The following CDCP1 variants were observed in gnomAD, a reference collection of about 807,000 sequenced individuals.
CDCP1 encodes CUB domain containing protein 1, also known as CUB domain-containing protein 1.
CDCP1 carries 29 observed loss-of-function variants against 60.2 expected under a neutral mutation model. The ratio of observed to expected loss-of-function variants is 0.48; its 90% confidence interval spans 0.36 to 0.66. CDCP1 has a LOEUF of 0.66. CDCP1 is among the 30% of genes least tolerant of loss of function. The probability of loss-of-function intolerance (pLI) is 0.00; values close to 1 mark genes in which losing one functional copy is unlikely to be tolerated. For missense variants in CDCP1, 876 were observed against 1,074.3 expected (o/e 0.82, Z 2.58); for synonymous variants, 387 against 431.1 (o/e 0.90, Z 1.27).
At chr3:45,133,158 G>A (rs1279669980) in intron 1 of CDCP1, among the ~76,000 whole-genome samples, 1 of 152,098 alleles carries the variant, frequency 6.6e-6, no homozygotes, top group Admixed American at 6.5e-5. Context: ...AGCAGTGTTG[G>A]TTGAAAGCCA....
At chr3:45,102,459 A>C (rs1042769849) in intron 4 of CDCP1, among the ~76,000 whole-genome samples, 2 of 152,022 alleles carry the variant, frequency 1.3e-5, no homozygotes, top group African/African-American at 2.4e-5. Context: ...GTAGGACCCA[A>C]CATCCAAACA....
intron 1 of CDCP1, among the ~76,000 whole-genome samples, chr3:45,135,937 T>A (rs892974993): frequency 1.4e-4 from 22 of 152,218 alleles, no homozygotes; most frequent in African/African-American, 5.3e-4. Flanking sequence ...ATTTAGGTTT[T>A]TTCAAAACAT....
chr3:45,115,060 G>A (rs1262216311), intron 2 of CDCP1, among the ~76,000 whole-genome samples: 1 of 152,056 alleles, frequency 6.6e-6, no homozygotes, highest in Non-Finnish European at 1.5e-5. Context: ...TAAAAGTAAT[G>A]TACAGTCGTT....
At position 45,112,303 on chromosome 3, in the gene CDCP1, G is replaced by A. The variant is rs376635920; in HGVS notation, c.435C>T (p.Arg145=). Residue 145 remains arginine (R), a synonymous_variant, in exon 3 of 9, where the codon CGC becomes CGT. Transcript: ENST00000296129. The part of the protein sequence containing the change: ...IGLELQFSIP[R]LRQIGPGESC... ...TCTCACCCGGACCGATCTGCCTCAG[G>A]CGAGGGATGGAAAACTGCAGCTCTA... The A allele has an allele frequency of 1.9e-5, 31 of 1,614,222 alleles. No homozygotes were observed. In the African/African-American group the frequency reaches 4.0e-4, roughly 21 times the overall value.
At chr3:45,093,770 C>T (rs140402916) in intron 5 of CDCP1, 113 bp from the exon 6 acceptor site, 81 of 1,254,222 alleles carry the variant, frequency 6.5e-5, no homozygotes, top group East Asian at 4.7e-5. Flanking sequence ...TGTTTCCCTT[C>T]GGTCTCTCTT....
intron 1 of CDCP1, among the ~76,000 whole-genome samples, chr3:45,141,012 C>T (rs1015180236): frequency 1.3e-5 from 2 of 152,122 alleles, no homozygotes; most frequent in African/African-American, 4.8e-5. Context: ...GCCAGCCTGG[C>T]CAACATGGTG....
chr3:45,146,269 C>A lies in CDCP1; in HGVS notation c.19G>T (p.Gly7Trp), dbSNP rs774206313. 6.3e-7 allele frequency: 1 copy of A among 1,588,092 alleles called. No homozygotes were observed. The highest frequency in any genetic ancestry group is 2.4e-5 in the East Asian group (1 of 41,062). ...ACCCCTAGCAGTGCGATAGAGACCC[C>A]GCAGTTCAGGCCGGCCATGACTCCG... is the stretch of plus-strand genomic sequence containing the variant. MAGLNC[G>W]VSIALLGVLL... Residue 7 changes from glycine to tryptophan, a missense_variant, in exon 1 of 9, where the codon GGG (glycine) becomes TGG (tryptophan). Physicochemically the swap from Gly to Trp is radical, Grantham distance 184 (BLOSUM62 -2). This residue lies in a region of CDCP1 where 150 missense variants were observed against 138.6 expected (regional missense o/e 1.08). Transcript: ENST00000296129.
rs1221003551 is a variant in CDCP1, at chr3:45,091,502, C to A, written c.1664G>T (p.Ser555Ile). Residue 555 changes from serine (S) to isoleucine (I), a missense_variant, in exon 7 of 9, where the codon AGC becomes ATC. By Grantham distance (142) the Ser-to-Ile change is moderately radical (BLOSUM62 -2). Around this residue, in one of 2 missense-constraint regions of CDCP1, gnomAD observed 726 missense variants for 935.7 expected, o/e 0.78. Coordinates refer to ENST00000296129, the MANE Select transcript of CDCP1 (RefSeq NM_022842.5). The surrounding 1 kb of genome is among the most constrained non-coding windows in gnomAD (Gnocchi z 4.8). ...GTTGGGGGTCCTCAGGTAGACCTTG[C>A]TTTTTGTGTCAGGGGTCACCGTGAA... is the stretch of plus-strand genomic sequence containing the variant. Reference protein sequence around the residue: ...GVFTVTPDTKSKVYLRTPNWD... With the variant: ...GVFTVTPDTKIKVYLRTPNWD... The A allele has an allele frequency of 6.2e-7, 1 of 1,607,628 alleles. No homozygotes were observed.
intron 5 of CDCP1, 106 bp downstream of exon 5, chr3:45,095,241 C>T (rs952510826): frequency 1.8e-5 from 18 of 1,024,076 alleles, no homozygotes; most frequent in Non-Finnish European, 2.1e-5. Flanking sequence ...GCCAGATGGG[C>T]CTTTTTGATA....
At chr3:45,098,809 A>G (rs1698444237) in intron 4 of CDCP1, among the ~76,000 whole-genome samples, 4 of 152,198 alleles carry the variant, frequency 2.6e-5, no homozygotes, top group Admixed American at 2.6e-4. Context: ...CTTTCTGCAT[A>G]AAATTTTGTG....
chr3:45,138,041 G>A (rs1014298278), intron 1 of CDCP1, among the ~76,000 whole-genome samples: 6 of 152,046 alleles, frequency 3.9e-5, no homozygotes, highest in African/African-American at 1.2e-4. Flanking sequence ...AATAACACCC[G>A]GTCATGAAGA....
intron 2 of CDCP1, among the ~76,000 whole-genome samples, chr3:45,116,573 C>T (rs1576103134): frequency 6.6e-6 from 1 of 152,298 alleles, no homozygotes; most frequent in South Asian, 2.1e-4. Flanking sequence ...AGTTGAGGAG[C>T]TGTGACATGA....
intron 2 of CDCP1, among the ~76,000 whole-genome samples, 181 bp from the exon 3 acceptor site, chr3:45,112,626 T>G (rs184684168): frequency 9.8e-5 from 15 of 152,362 alleles, no homozygotes; most frequent in Admixed American, 7.8e-4. Flanking sequence ...CTCACAGATG[T>G]ACCCTCCTTC....
At chr3:45,122,470 A>AT (rs965775824) in intron 1 of CDCP1, among the ~76,000 whole-genome samples, 1 of 132,018 alleles carries the variant, frequency 7.6e-6, no homozygotes, top group Admixed American at 7.8e-5. Flanking sequence ...TCTTTTAGAA[A>AT]TTTTTTTTTG....
intron 4 of CDCP1, among the ~76,000 whole-genome samples, chr3:45,103,838 C>T (rs1286834207): frequency 2.0e-5 from 3 of 152,212 alleles, no homozygotes; most frequent in Non-Finnish European, 1.5e-5. Flanking sequence ...GCTTCTTGGA[C>T]TTTCCAGTCA....
intron 1 of CDCP1, chr3:45,139,389 C>G (rs551135781): frequency 1.3e-5 from 2 of 152,360 alleles, no homozygotes; most frequent in Admixed American, 1.3e-4. Flanking sequence ...TTGAACCAAG[C>G]TTTGACCAAC....
chr3:45,109,020 G>A (rs1451569530), intron 4 of CDCP1, among the ~76,000 whole-genome samples: 8 of 144,996 alleles, frequency 5.5e-5, no homozygotes, highest in Admixed American at 2.1e-4. Context: ...CCCAATCTCG[G>A]TTCACTGCAA....
At chr3:45,112,520 G>C (rs1214855769) in intron 2 of CDCP1, 75 bp from the exon 3 acceptor site, 1 of 1,553,542 alleles carries the variant, frequency 6.4e-7, no homozygotes, top group East Asian at 2.3e-5. Flanking sequence ...CCACCACTCA[G>C]CCCCCTGTAG....
At chr3:45,088,860 C>G (rs993907520) in intron 8 of CDCP1, among the ~76,000 whole-genome samples, 194 bp downstream of exon 8, 1 of 151,006 alleles carries the variant, frequency 6.6e-6, no homozygotes, top group East Asian at 1.9e-4. Flanking sequence ...TGTGTTTTAT[C>G]CCCCCCTCAC....
Sources: allele counts gnomAD v4.1 joint callset (sites outside exome capture counted in the v4.1 genomes callset), GRCh38; gene constraint gnomAD v4.1.1; regional missense constraint gnomAD v4.1.1; non-coding constraint Gnocchi (gnomAD v3.1); transcripts MANE v1.5; gene names NCBI Gene and HGNC (gene_info 2026-07-23, HGNC 2026-07-21).